Variants in PHACTR2 observed in about 807,000 individuals in gnomAD.
The protein encoded by PHACTR2 is chromosome 6 open reading frame 56.
PHACTR2 carries 30 observed loss-of-function variants against 76.0 expected under a neutral mutation model. That is an observed-to-expected ratio of 0.39 (90% CI 0.30 to 0.54). PHACTR2 has a LOEUF of 0.54. Among genes scored for constraint, PHACTR2 ranks in the 20% least tolerant of loss-of-function variants. PHACTR2 has a pLI of 0.61. For missense variants in PHACTR2, 696 were observed against 781.1 expected (o/e 0.89, Z 1.30); for synonymous variants, 292 against 292.5 (o/e 1.00, Z 0.02).
Position 143,680,491 on chromosome 6 carries a change from C to A in PHACTR2, c.46+2282C>A, listed in dbSNP as rs1777366703. On this transcript the variant is annotated intron_variant, in intron 1 of 12. Coordinates refer to ENST00000440869, the MANE Select transcript of PHACTR2 (RefSeq NM_001100164.2). The surrounding 1 kb of genome is among the most constrained non-coding windows in gnomAD (Gnocchi z 4.5). ...GCTCAATTTGGCCTTTTGTAAAAAT[C>A]TTCATTATAGGCTAGAAGTTAGCTT... Among the ~76,000 whole-genome samples, 1 of 152,166 alleles carries A rather than the reference C, an allele frequency of 6.6e-6. No individual in the cohort carries two copies. The highest frequency in any genetic ancestry group is 1.9e-4 in the East Asian group (1 of 5,198).
upstream of PHACTR2, among the ~76,000 whole-genome samples, chr6:143,604,989 TA>T (rs1326439138): frequency 4.6e-5 from 5 of 109,824 alleles, no homozygotes; most frequent in East Asian, 1.0e-3. Flanking sequence ...CAGTTGCTAA[TA>T]GGGTTTTTTT....
At chr6:143,815,958 A>G (rs1582909507) in intron 12 of PHACTR2, among the ~76,000 whole-genome samples, 1 of 152,020 alleles carries the variant, frequency 6.6e-6, no homozygotes, top group South Asian at 2.1e-4. Context: ...TTATAAAGGA[A>G]CCGCCTTTAT....
rs560956225 is a variant in PHACTR2 at position 143,546,779 on chromosome 6, A to G, written c.217+9572A>G. Among the ~76,000 whole-genome samples, 5 of 152,116 alleles carry G rather than the reference A, an allele frequency of 3.3e-5. No homozygotes were observed. Among genetic ancestry groups the G allele is most frequent in the Admixed American group, 3.3e-4 (5 of 15,264 alleles). ...AGTGGCTTACACATGTAATCCCAAC[A>G]TTTTGGGAGGTGGAGGCAGAAGGAT... is the stretch of plus-strand genomic sequence containing the variant. On this transcript the variant is annotated intron_variant, in intron 1 of 11. Transcript: ENST00000367584. The surrounding 1 kb of genome is among the most constrained non-coding windows in gnomAD (Gnocchi z 4.9).
In PHACTR2 at chr6:143,617,041, T is replaced by G. The variant is rs1398017364; in HGVS notation, c.13+8719T>G. Among the ~76,000 whole-genome samples, 1 of 152,180 alleles carries G rather than the reference T, an allele frequency of 6.6e-6. No homozygotes were observed. The highest frequency in any genetic ancestry group is 1.9e-4 in the East Asian group (1 of 5,182). On this transcript the variant is annotated intron_variant, in intron 1 of 11. Coordinates refer to the PHACTR2 transcript ENST00000305766. This position sits in a 1 kb window ranked among gnomAD's most constrained non-coding sequence, Gnocchi z 4.8. ...TGTCCTACCAGCTTTCAGGAGCCTT[T>G]GAAGGGTTTTACGAGACTGGGAAGA...
chr6:143,806,996 A>C lies in PHACTR2; in HGVS notation c.1846-61A>C. ...AAGGTCTGCTTCATTGATGCTGTATATACTGGGGCAATATATGACCTAAAT... is the reference window on the plus strand; with the variant it reads ...AAGGTCTGCTTCATTGATGCTGTATCTACTGGGGCAATATATGACCTAAAT... On this transcript the variant is annotated intron_variant, in intron 11 of 12. Transcript: ENST00000440869. This position sits in a 1 kb window ranked among gnomAD's most constrained non-coding sequence, Gnocchi z 5.8. The C allele has an allele frequency of 2.3e-6, 2 of 874,986 alleles. No homozygotes were observed. Among genetic ancestry groups the C allele is most frequent in the Non-Finnish European group, 3.7e-6 (2 of 536,334 alleles). 54.2% of individuals were successfully genotyped at this position (874,986 alleles called of 1,614,324 possible).
chr6:143,577,426 G>A (rs556908925), intron 1 of PHACTR2, among the ~76,000 whole-genome samples: 5 of 152,144 alleles, frequency 3.3e-5, no homozygotes, highest in Admixed American at 6.5e-5. Flanking sequence ...GTCAGGAGAG[G>A]CTTTGTGAGA....
chr6:143,783,411 C>CTAAT lies in PHACTR2; in HGVS notation c.1707+131_1707+132insTAAT. On this transcript the variant is annotated intron_variant, in intron 10 of 12. Coordinates refer to ENST00000440869, the MANE Select transcript of PHACTR2 (RefSeq NM_001100164.2). This position sits in a 1 kb window ranked among gnomAD's most constrained non-coding sequence, Gnocchi z 5.2. Reference sequence around the variant, plus strand: ...ATTCCTATTAGTCTATAATCATAGACATCAAAATCACAAGCCTGGGCAACA... The same window carrying CTAAT: ...ATTCCTATTAGTCTATAATCATAGACTAATATCAAAATCACAAGCCTGGGCAACA... 1 of 533,628 alleles carries CTAAT rather than the reference C, an allele frequency of 1.9e-6. No homozygotes were observed. Among genetic ancestry groups the CTAAT allele is most frequent in the Non-Finnish European group, 3.3e-6 (1 of 300,974 alleles). 33.1% of individuals were successfully genotyped at this position (533,628 alleles called of 1,614,324 possible). A position where few individuals can be genotyped will look rare whatever the true frequency, so the allele number is the denominator to read the frequency against.
rs536175222 is a variant in PHACTR2 at position 143,596,497 on chromosome 6, T to C, written c.217+59290T>C. ...GTTTTTGAGTGGATAATATAATAGGTTTTCGACAAGTGAATGTTTTTGAAA... is the reference window on the plus strand; with the variant it reads ...GTTTTTGAGTGGATAATATAATAGGCTTTCGACAAGTGAATGTTTTTGAAA... On this transcript the variant is annotated intron_variant, in intron 1 of 11. Transcript: ENST00000367584. The surrounding 1 kb of genome is among the most constrained non-coding windows in gnomAD (Gnocchi z 4.6). Among the ~76,000 whole-genome samples, 1 of 152,170 alleles carries C rather than the reference T, an allele frequency of 6.6e-6. No homozygotes were observed. The highest frequency in any genetic ancestry group is 2.4e-5 in the African/African-American group (1 of 41,500).
Position 143,795,723 on chromosome 6 carries a change from G to A in PHACTR2, c.1845+6813G>A, listed in dbSNP as rs868327928. Among the ~76,000 whole-genome samples, 19 of 152,330 alleles carry A rather than the reference G, an allele frequency of 1.2e-4. No homozygotes were observed. In the South Asian group the frequency reaches 1.4e-3, roughly 12 times the overall value. ...TGATCCTTGACTTGGCCACTTAGTA[G>A]TTGTTTGACCTTGGCCAAGTCATTT... On this transcript the variant is annotated intron_variant, in intron 11 of 12. Coordinates refer to ENST00000440869, the MANE Select transcript of PHACTR2 (RefSeq NM_001100164.2). This position sits in a 1 kb window ranked among gnomAD's most constrained non-coding sequence, Gnocchi z 4.8.
At chr6:143,630,626 A>T (rs1342880662) in intron 1 of PHACTR2, among the ~76,000 whole-genome samples, 1 of 152,246 alleles carries the variant, frequency 6.6e-6, no homozygotes, top group Non-Finnish European at 1.5e-5. Context: ...CATGGTAATG[A>T]ATTCACTCAT....
At position 143,755,408 on chromosome 6, in the gene PHACTR2, C is replaced by T. The variant is rs979244496; in HGVS notation, c.454+1496C>T. 12 of 455,602 alleles carry T rather than the reference C, an allele frequency of 2.6e-5. No homozygotes were observed. Among genetic ancestry groups the T allele is most frequent in the East Asian group, 6.9e-5 (1 of 14,402 alleles). 28.2% of individuals were successfully genotyped at this position (455,602 alleles called of 1,614,324 possible). A position where few individuals can be genotyped will look rare whatever the true frequency, so the allele number is the denominator to read the frequency against. On this transcript the variant is annotated intron_variant, in intron 4 of 12. Coordinates refer to ENST00000440869, the MANE Select transcript of PHACTR2 (RefSeq NM_001100164.2). The surrounding 1 kb of genome is among the most constrained non-coding windows in gnomAD (Gnocchi z 5.2). The stretch of plus-strand genomic sequence containing the variant: ...ACAGTGCCATCTCTGGTGCCTGGTC[C>T]GTGCAGGGTATTCGTCACTGGACTG...
intron 1 of PHACTR2, among the ~76,000 whole-genome samples, chr6:143,612,947 T>A (rs1776001744): frequency 6.6e-6 from 1 of 152,258 alleles, no homozygotes; most frequent in African/African-American, 2.4e-5. Flanking sequence ...AAATAAATAT[T>A]CTTAGAAGCA....
In PHACTR2 at chr6:143,705,380, T is replaced by C. The variant is rs185348564; in HGVS notation, c.47-6636T>C. On this transcript the variant is annotated intron_variant, in intron 1 of 12. Transcript: ENST00000440869. ...CGCAATCTTGGTTCACTGCAAGCTCTGCCTCCCGGGTTCACGCCATTCTCC... is the reference window on the plus strand; with the variant it reads ...CGCAATCTTGGTTCACTGCAAGCTCCGCCTCCCGGGTTCACGCCATTCTCC... Among the ~76,000 whole-genome samples the C allele has an allele frequency of 2.3e-3, 344 of 149,978 alleles. 4 individuals are homozygous for C. Among genetic ancestry groups the C allele is most frequent in the Non-Finnish European group, 1.8e-3 (121 of 67,672 alleles).
In PHACTR2 at chr6:143,664,604, A is replaced by G. The variant is rs2128449132; in HGVS notation, c.14-47412A>G. 6.6e-6 allele frequency among the ~76,000 whole-genome samples: 1 copy of G among 152,208 alleles called. No homozygotes were observed. Among genetic ancestry groups the G allele is most frequent in the South Asian group, 2.1e-4 (1 of 4,824 alleles). ...AGTTACTTTTTCTAACAAAGTTTAA[A>G]ATTATTTAGTACATATATCTTTCCC... is the stretch of plus-strand genomic sequence containing the variant. On this transcript the variant is annotated intron_variant, in intron 1 of 11. Coordinates refer to the PHACTR2 transcript ENST00000305766. The surrounding 1 kb of genome is among the most constrained non-coding windows in gnomAD (Gnocchi z 5.1).
chr6:143,543,421 G>T lies in PHACTR2; in HGVS notation c.217+6214G>T, dbSNP rs1021547014. 2.0e-5 allele frequency among the ~76,000 whole-genome samples: 3 copies of T among 152,200 alleles called. No homozygotes were observed. Among genetic ancestry groups the T allele is most frequent in the African/African-American group, 4.8e-5 (2 of 41,446 alleles). ...CCTCAGGAACTCACAGTTTAGTGGG[G>T]AAAGACAGGCCAATAAGCCAAAGAC... On this transcript the variant is annotated intron_variant, in intron 1 of 11. Transcript: ENST00000367584. This position sits in a 1 kb window ranked among gnomAD's most constrained non-coding sequence, Gnocchi z 4.7.
intron 1 of PHACTR2, among the ~76,000 whole-genome samples, chr6:143,567,201 G>A (rs1775375861): frequency 6.6e-6 from 1 of 152,078 alleles, no homozygotes; most frequent in Non-Finnish European, 1.5e-5. Context: ...TGGAGTCATT[G>A]TGAAAGCTGC....
At chr6:143,687,529 C>A (rs902159488) in intron 1 of PHACTR2, among the ~76,000 whole-genome samples, 1 of 152,192 alleles carries the variant, frequency 6.6e-6, no homozygotes, top group Non-Finnish European at 1.5e-5. Context: ...ATAAACACTT[C>A]TTGTTTCCTC....
rs1776170122 is a variant in PHACTR2 at position 143,811,350 on chromosome 6, T to C, written c.1922+4217T>C. 2.6e-5 allele frequency among the ~76,000 whole-genome samples: 4 copies of C among 152,218 alleles called. No individual in the cohort carries two copies. Among genetic ancestry groups the C allele is most frequent in the African/African-American group, 9.6e-5 (4 of 41,462 alleles). On this transcript the variant is annotated intron_variant, in intron 12 of 12. Coordinates refer to ENST00000440869, the MANE Select transcript of PHACTR2 (RefSeq NM_001100164.2). This position sits in a 1 kb window ranked among gnomAD's most constrained non-coding sequence, Gnocchi z 4.1. ...ATTTGTAGTGTACTTTTATATTTGA[T>C]GGGGCATTTTTTCACCCTCAAAATT...
intron 1 of PHACTR2, among the ~76,000 whole-genome samples, chr6:143,613,678 A>C (rs1776015825): frequency 6.6e-6 from 1 of 152,260 alleles, no homozygotes; most frequent in African/African-American, 2.4e-5. Flanking sequence ...CCAAGATGAA[A>C]TAGAAATCCT....
Sources: allele counts gnomAD v4.1 joint callset (sites outside exome capture counted in the v4.1 genomes callset), GRCh38; gene constraint gnomAD v4.1.1; non-coding constraint Gnocchi (gnomAD v3.1); transcripts MANE v1.5; gene names NCBI Gene and HGNC (gene_info 2026-07-23, HGNC 2026-07-21).